Variants in DLGAP5 observed in about 807,000 individuals in gnomAD.
DLGAP5 encodes disks large-associated protein 5.
A neutral mutation model predicts 99.6 loss-of-function variants in DLGAP5; 90 were observed. That is an observed-to-expected ratio of 0.90 (90% confidence interval 0.76 to 1.08). DLGAP5 has a LOEUF of 1.08. Among genes scored for constraint, DLGAP5 ranks in the 50% least tolerant of loss-of-function variants. The probability of loss-of-function intolerance (pLI) is 0.00; values close to 1 mark genes in which losing one functional copy is unlikely to be tolerated. For synonymous variants in DLGAP5, 311 were observed against 321.3 expected (o/e 0.97, Z 0.34); for missense variants, 1,036 against 983.5 (o/e 1.05, Z -0.71).
chr14:55,177,085 G>A lies in DLGAP5; in HGVS notation c.1026C>T (p.Thr342=). The A allele has an allele frequency of 4.6e-6, 7 of 1,507,634 alleles. No homozygotes were observed. The highest frequency in any genetic ancestry group is 6.2e-6 in the Non-Finnish European group (7 of 1,133,438). 93.4% of individuals were successfully genotyped at this position (1,507,634 alleles called of 1,614,324 possible). The stretch of plus-strand genomic sequence containing the variant: ...ACACTTCTGTTTTTAAAGGAGTCCA[G>A]GTGTAACTGGGTGTCAAAAAAGCAT... ...SANAFLTPSY[T]WTPLKTEVDE... Residue 342 remains threonine, a synonymous_variant, in exon 8 of 19, where the codon ACC becomes ACT. Coordinates refer to ENST00000247191, the MANE Select transcript of DLGAP5 (RefSeq NM_014750.5).
chr14:55,168,835 T>C (rs1204313561), intron 12 of DLGAP5, among the ~76,000 whole-genome samples: 1 of 152,148 alleles, frequency 6.6e-6, no homozygotes, highest in Non-Finnish European at 1.5e-5. Context: ...GGTCGAATCA[T>C]TATAGACTAT....
chr14:55,175,980 T>C lies in DLGAP5; in HGVS notation c.1088A>G (p.Lys363Arg), dbSNP rs1235004743. ...SQATKEILAQKCKTYSTKTIQ... is the reference protein window; with the variant it reads ...SQATKEILAQRCKTYSTKTIQ... The stretch of plus-strand genomic sequence containing the variant: ...TGTCTTGGTAGAGTAAGTTTTACAT[T>C]TTTGTGCCAAAATTTCTTTTGTTGC... The change falls in exon 9 of 19, where the codon AAA (lysine) becomes AGA (arginine). Residue 363 changes from lysine (K) to arginine (R), a missense_variant. By Grantham distance (26) the Lys-to-Arg change is conservative. Coordinates refer to ENST00000247191, the MANE Select transcript of DLGAP5 (RefSeq NM_014750.5). 1 of 1,609,052 alleles carries C rather than the reference T, an allele frequency of 6.2e-7. No homozygotes were observed.
rs563081073 is a variant in DLGAP5 at position 55,172,291 on chromosome 14, C to A, written c.1302-1504G>T. ...TCACTTGAGCCTAGGAGTTCCAGAC[C>A]AGCCTGGGAAACATGGCGAAAACCA... On this transcript the variant is annotated intron_variant, in intron 10 of 18. Coordinates refer to ENST00000247191, the MANE Select transcript of DLGAP5 (RefSeq NM_014750.5). Among the ~76,000 whole-genome samples the A allele has an allele frequency of 9.1e-5, 13 of 143,336 alleles. No homozygotes were observed. In the East Asian group the frequency reaches 2.5e-3, roughly 27 times the overall value. The allele number at this position is 143,336 out of a possible 152,430, so 94.0% of individuals were successfully genotyped here. A position where few individuals can be genotyped will look rare whatever the true frequency, so the allele number is the denominator to read the frequency against.
chr14:55,177,481 T>C (rs1371292295), intron 7 of DLGAP5, 145 bp from the exon 8 acceptor site: 1 of 653,360 alleles, frequency 1.5e-6, no homozygotes, highest in Admixed American at 3.8e-5. Context: ...CAATTAAGTG[T>C]ATACATGGAA....
chr14:55,165,879 G>GA (rs1882625099), intron 12 of DLGAP5, among the ~76,000 whole-genome samples: 1 of 152,160 alleles, frequency 6.6e-6, no homozygotes, highest in African/African-American at 2.4e-5. Flanking sequence ...CTGATAAGGG[G>GA]GGGCTACTAT....
chr14:55,181,327 T>C (rs779976809), intron 4 of DLGAP5, 30 bp from the exon 5 acceptor site: 2 of 1,536,882 alleles, frequency 1.3e-6, no homozygotes, highest in Non-Finnish European at 9.0e-7. Context: ...CTATGTGATT[T>C]AATTGCATAA....
chr14:55,183,641 T>A lies in DLGAP5; in HGVS notation c.351A>T (p.Ile117=), dbSNP rs753278385. 1 of 1,612,202 alleles carries A rather than the reference T, an allele frequency of 6.2e-7. No individual in the cohort carries two copies. Among genetic ancestry groups the A allele is most frequent in the Non-Finnish European group, 8.5e-7 (1 of 1,179,564 alleles). ...KEQREKAKRG[I]FKVGRYRPDM... ...CAGGTCTATAACGACCCACTTTAAA[T>A]ATTCCTCGTTTAGCTTTCTCTCTCT... The change falls in exon 3 of 19, where the codon ATA becomes ATT. Residue 117 remains isoleucine (I), a synonymous_variant. Coordinates refer to ENST00000247191, the MANE Select transcript of DLGAP5 (RefSeq NM_014750.5).
At chr14:55,171,725 T>C (rs1594674763) in intron 10 of DLGAP5, among the ~76,000 whole-genome samples, 1 of 152,186 alleles carries the variant, frequency 6.6e-6, no homozygotes, top group East Asian at 1.9e-4. Context: ...AAGTGTCCAC[T>C]GACAGACAAA....
intron 10 of DLGAP5, among the ~76,000 whole-genome samples, chr14:55,173,272 C>CAAA (rs34893526): frequency 3.7e-5 from 4 of 106,744 alleles, no homozygotes; most frequent in South Asian, 3.1e-4. Flanking sequence ...CCCGTCTCTA[C>CAAA]AAAAAAAAAA....
intron 2 of DLGAP5, among the ~76,000 whole-genome samples, chr14:55,185,231 G>A (rs566486547): frequency 4.5e-4 from 68 of 152,236 alleles, no homozygotes; most frequent in African/African-American, 1.4e-3. Context: ...GCAGAGTCTC[G>A]CACTGTCGCC....
intron 18 of DLGAP5, among the ~76,000 whole-genome samples, chr14:55,149,039 G>A (rs1226467256): frequency 6.6e-6 from 1 of 151,804 alleles, no homozygotes. Flanking sequence ...ATGCTACTGG[G>A]GCAACCAATA....
In DLGAP5 at chr14:55,181,273, C is replaced by T; in HGVS notation, c.520G>A (p.Ala174Thr). The T allele has an allele frequency of 6.2e-7, 1 of 1,614,064 alleles. No individual in the cohort carries two copies. Among genetic ancestry groups the T allele is most frequent in the South Asian group, 1.1e-5 (1 of 91,076 alleles). Residue 174 changes from alanine (A) to threonine (T), a missense_variant, in exon 5 of 19, where the codon GCA (alanine) becomes ACA (threonine). Ala to Thr is a moderately conservative substitution (Grantham distance 58, BLOSUM62 0). Coordinates refer to ENST00000247191, the MANE Select transcript of DLGAP5 (RefSeq NM_014750.5). Reference sequence around the variant, plus strand: ...GTTTGTCTTGGACCAGGTCGGATTGCTCGAACATCACTCTCGTTATCAATC... The same window carrying T: ...GTTTGTCTTGGACCAGGTCGGATTGTTCGAACATCACTCTCGTTATCAATC... ...TKIDNESDVR[A>T]IRPGPRQTSE...
In DLGAP5 at chr14:55,158,506, A is replaced by G; in HGVS notation, c.1873+16T>C. 6.2e-7 allele frequency: 1 copy of G among 1,601,486 alleles called. No homozygotes were observed. The highest frequency in any genetic ancestry group is 2.2e-5 in the East Asian group (1 of 44,738). ...TCAGGAAAAACAAAAAAAATAAAAAATCAAAAACAACTAACCTGAGAATAA... is the reference window on the plus strand; with the variant it reads ...TCAGGAAAAACAAAAAAAATAAAAAGTCAAAAACAACTAACCTGAGAATAA... On this transcript the variant is annotated intron_variant, in intron 14 of 18. Transcript: ENST00000247191.
chr14:55,186,087 A>C (rs1012217831), intron 2 of DLGAP5, among the ~76,000 whole-genome samples: 1 of 152,142 alleles, frequency 6.6e-6, no homozygotes, highest in Non-Finnish European at 1.5e-5. Flanking sequence ...CCTGACCAAC[A>C]TGGAGAAACC....
intron 8 of DLGAP5, among the ~76,000 whole-genome samples, chr14:55,176,536 T>C (rs758144352): frequency 6.6e-6 from 1 of 152,170 alleles, no homozygotes; most frequent in Admixed American, 6.5e-5. Context: ...CCAAATTGTA[T>C]AGTGAAAATA....
intron 10 of DLGAP5, among the ~76,000 whole-genome samples, chr14:55,174,657 A>G (rs561071327): frequency 7.2e-5 from 11 of 152,192 alleles, no homozygotes; most frequent in African/African-American, 1.9e-4. Context: ...ACCTACGTGA[A>G]TATCAGGGCA....
intron 14 of DLGAP5, among the ~76,000 whole-genome samples, chr14:55,157,870 C>G (rs552346990): frequency 6.6e-5 from 10 of 152,356 alleles, no homozygotes; most frequent in African/African-American, 2.4e-4. Flanking sequence ...TCAAGTGATC[C>G]TCCTGCCCCA....
intron 2 of DLGAP5, among the ~76,000 whole-genome samples, chr14:55,186,793 T>C (rs1410237067): frequency 6.6e-6 from 1 of 152,262 alleles, no homozygotes; most frequent in Non-Finnish European, 1.5e-5. Flanking sequence ...CAGTACTGAC[T>C]AACATAGTTA....
chr14:55,174,421 T>G (rs998712660), intron 10 of DLGAP5, among the ~76,000 whole-genome samples: 3 of 152,324 alleles, frequency 2.0e-5, no homozygotes, highest in South Asian at 2.1e-4. Flanking sequence ...CTTGTGATAT[T>G]CTATTACCTT....
Sources: allele counts gnomAD v4.1 joint callset (sites outside exome capture counted in the v4.1 genomes callset), GRCh38; gene constraint gnomAD v4.1.1; transcripts MANE v1.5; gene names NCBI Gene and HGNC (gene_info 2026-07-23, HGNC 2026-07-21).